C21orf58: variants seen among roughly 807,000 people sequenced by gnomAD.
The protein encoded by C21orf58 is chromosome 21 open reading frame 58.
In C21orf58, 34 loss-of-function variants were observed where a neutral mutation model predicts 35.8. The observed-to-expected ratio is 0.95, with a 90% CI of 0.72 to 1.26. C21orf58 has a LOEUF of 1.26. Ranked by LOEUF, C21orf58 falls within the 50% of genes most tolerant of loss-of-function variation. The pLI, the probability that C21orf58 is intolerant of heterozygous loss-of-function variation, is 0.00. For missense variants in C21orf58, 440 were observed against 414.3 expected (o/e 1.06, Z -0.54); for synonymous variants, 191 against 175.8 (o/e 1.09, Z -0.68).
intron 1 of C21orf58, among the ~76,000 whole-genome samples, chr21:46,320,249 C>T (rs1182466171): frequency 1.3e-5 from 2 of 151,918 alleles, no homozygotes; most frequent in Admixed American, 1.3e-4. Flanking sequence ...AGTACAGGTG[C>T]ACGCCACCAC....
At chr21:46,303,630 G>A (rs1308758532) in intron 6 of C21orf58, among the ~76,000 whole-genome samples, 1 of 136,884 alleles carries the variant, frequency 7.3e-6, no homozygotes, top group Non-Finnish European at 1.5e-5. Flanking sequence ...GACAGGAGAA[G>A]TCCTTGAGAC....
chr21:46,323,678 G>C lies in C21orf58; in HGVS notation c.-940C>G, dbSNP rs1036622790. 2 of 178,366 alleles carry C rather than the reference G, an allele frequency of 1.1e-5. No individual in the cohort carries two copies. Among genetic ancestry groups the C allele is most frequent in the African/African-American group, 4.8e-5 (2 of 41,556 alleles). The allele number at this position is 178,366 out of a possible 1,614,324, so 11.0% of individuals were successfully genotyped here. The stretch of plus-strand genomic sequence containing the variant: ...GATCCACCTCAGCAGCCTCCTCCGT[G>C]GTAGGCCTCAACTTCCCGCGGCGGC... On this transcript the variant is annotated 5_prime_UTR_variant, in exon 1 of 8. Coordinates refer to ENST00000291691, the MANE Select transcript of C21orf58 (RefSeq NM_058180.5).
intron 5 of C21orf58, among the ~76,000 whole-genome samples, chr21:46,312,187 G>A (rs1053590771): frequency 3.3e-5 from 5 of 152,132 alleles, no homozygotes; most frequent in African/African-American, 1.2e-4. Flanking sequence ...TGAATGGAAA[G>A]GTACTTCAGT....
rs2146097541 is a variant in C21orf58, at chr21:46,317,288, T to A, written c.310-20A>T. On this transcript the variant is annotated intron_variant, in intron 2 of 7. Transcript: ENST00000291691. Reference sequence around the variant, plus strand: ...CAGCTTCTGTGAGGAAGAGAGACCGTGACAGAGACGGTGGCTCCACGCAAA... The same window carrying A: ...CAGCTTCTGTGAGGAAGAGAGACCGAGACAGAGACGGTGGCTCCACGCAAA... The A allele has an allele frequency of 6.2e-7, 1 of 1,609,176 alleles. No individual in the cohort carries two copies. The highest frequency in any genetic ancestry group is 1.1e-5 in the South Asian group (1 of 90,448).
At chr21:46,313,420 C>T (rs988086784) in intron 5 of C21orf58, among the ~76,000 whole-genome samples, 4 of 152,198 alleles carry the variant, frequency 2.6e-5, no homozygotes, top group African/African-American at 9.7e-5. Context: ...CTGCCGTGCC[C>T]GTCCTGGCTG....
rs1264871876 is a variant in C21orf58, at chr21:46,323,751, G to C, written c.-1013C>G. On this transcript the variant is annotated 5_prime_UTR_variant, in exon 1 of 8. Transcript: ENST00000291691. The stretch of plus-strand genomic sequence containing the variant: ...GAGCGGGAGAAAACGGCCTGGCCCT[G>C]TCCGGGTGGTTGCTGAGCACCGTTC... The C allele has an allele frequency of 3.9e-6, 1 of 256,858 alleles. No individual in the cohort carries two copies. Among genetic ancestry groups the C allele is most frequent in the South Asian group, 3.8e-5 (1 of 26,060 alleles). The allele number at this position is 256,858 out of a possible 1,614,324, so 15.9% of individuals were successfully genotyped here.
chr21:46,313,978 C>T (rs550487021), intron 5 of C21orf58, among the ~76,000 whole-genome samples: 2 of 152,196 alleles, frequency 1.3e-5, no homozygotes, highest in Non-Finnish European at 2.9e-5. Context: ...TCCCTCTGAT[C>T]CATTTTTTGC....
intron 2 of C21orf58, chr21:46,317,479 T>C: frequency 4.0e-6 from 3 of 754,978 alleles, no homozygotes; most frequent in Non-Finnish European, 6.4e-6. Flanking sequence ...ATGTGTTCCA[T>C]CCACAAGTCT....
chr21:46,302,953 C>G (rs988389172), intron 6 of C21orf58, among the ~76,000 whole-genome samples: 3 of 131,524 alleles, frequency 2.3e-5, no homozygotes, highest in African/African-American at 8.6e-5. Context: ...GCGCCCTGAG[C>G]CCGTCTGTAC....
Position 46,301,607 on chromosome 21 carries a change from T to C in C21orf58, c.*392A>G, listed in dbSNP as rs1366287420. Reference sequence around the variant, plus strand: ...CTGAGCTGAGATTTTCTTAAACTCTTTCTGGATGAAATCTTTATTTCATCA... The same window carrying C: ...CTGAGCTGAGATTTTCTTAAACTCTCTCTGGATGAAATCTTTATTTCATCA... On this transcript the variant is annotated 3_prime_UTR_variant, in exon 8 of 8. Transcript: ENST00000291691. 5.9e-6 allele frequency: 6 copies of C among 1,016,282 alleles called. No homozygotes were observed. Among genetic ancestry groups the C allele is most frequent in the Non-Finnish European group, 7.1e-6 (6 of 850,906 alleles). The allele number at this position is 1,016,282 out of a possible 1,614,324, so 63.0% of individuals were successfully genotyped here.
At chr21:46,300,640 C>T (rs1253062341), downstream of C21orf58, 9 of 1,233,428 alleles carry the variant, frequency 7.3e-6, no homozygotes, top group Admixed American at 3.0e-5. Flanking sequence ...CACACCTGCC[C>T]GTCCATGTCA....
downstream of C21orf58, chr21:46,300,631 A>T: frequency 8.2e-7 from 1 of 1,221,284 alleles, no homozygotes; most frequent in Non-Finnish European, 1.0e-6. Flanking sequence ...TTCGGTGTTC[A>T]CACCTGCCCG....
At chr21:46,301,050 T>C, downstream of C21orf58, 3 of 1,030,656 alleles carry the variant, frequency 2.9e-6, no homozygotes, top group Non-Finnish European at 3.5e-6. Flanking sequence ...AACCAGCATG[T>C]AGAGATTTCT....
chr21:46,312,002 CCCACCCATCCAT>C (rs1316469790), intron 5 of C21orf58, among the ~76,000 whole-genome samples: 4 of 116,344 alleles, frequency 3.4e-5, no homozygotes, highest in Non-Finnish European at 7.1e-5. Context: ...CACCCATCCA[CCCACCCATCCAT>C]CCACCCATCC....
chr21:46,323,851 A>G lies in C21orf58; in HGVS notation c.-1113T>C. The G allele has an allele frequency of 2.8e-6, 1 of 354,666 alleles. No homozygotes were observed. The highest frequency in any genetic ancestry group is 2.4e-5 in the South Asian group (1 of 41,708). The allele number at this position is 354,666 out of a possible 1,614,324, so 22.0% of individuals were successfully genotyped here. A position where few individuals can be genotyped will look rare whatever the true frequency, so the allele number is the denominator to read the frequency against. Reference sequence around the variant, plus strand: ...AAAGCCCAGGGGCCGCCCGCGCGGGACCAGCAGCGCGAACTTTTTGCCGCT... The same window carrying G: ...AAAGCCCAGGGGCCGCCCGCGCGGGGCCAGCAGCGCGAACTTTTTGCCGCT... On this transcript the variant is annotated 5_prime_UTR_variant, in exon 1 of 8. Transcript: ENST00000291691.
intron 1 of C21orf58, among the ~76,000 whole-genome samples, chr21:46,319,894 G>A (rs1205853539): frequency 4.0e-5 from 6 of 151,090 alleles, no homozygotes; most frequent in African/African-American, 1.2e-4. Flanking sequence ...CAAAACCTCC[G>A]TCTGGAAAAA....
intron 5 of C21orf58, among the ~76,000 whole-genome samples, chr21:46,312,797 G>A (rs560271948): frequency 2.0e-5 from 3 of 152,288 alleles, no homozygotes; most frequent in African/African-American, 4.8e-5. Context: ...TAGGATGGCC[G>A]CATCCCAACA....
intron 2 of C21orf58, among the ~76,000 whole-genome samples, chr21:46,317,775 C>G (rs556984370): frequency 1.3e-5 from 2 of 152,198 alleles, no homozygotes; most frequent in Non-Finnish European, 2.9e-5. Context: ...CCCCAGGCAC[C>G]GAGGCTCCCC....
At chr21:46,318,456 G>A in intron 1 of C21orf58, 1 of 1,408,892 alleles carries the variant, frequency 7.1e-7, no homozygotes, top group Admixed American at 2.9e-5. Context: ...AGGCAGAGGG[G>A]CAGAACCCTC....
Sources: allele counts gnomAD v4.1 joint callset (sites outside exome capture counted in the v4.1 genomes callset), GRCh38; gene constraint gnomAD v4.1.1; transcripts MANE v1.5; gene names NCBI Gene and HGNC (gene_info 2026-07-23, HGNC 2026-07-21).